Variants in ZNF704 observed in about 807,000 individuals in gnomAD.
The protein encoded by ZNF704 is zinc finger protein 704.
In ZNF704, 10 loss-of-function variants were observed where a neutral mutation model predicts 44.7. That is an observed-to-expected ratio of 0.22 (90% confidence interval 0.14 to 0.38). The LOEUF (loss-of-function observed/expected upper bound fraction) is 0.38. Ranked by LOEUF, ZNF704 falls within the 10% of genes least tolerant of loss-of-function variation. The probability of loss-of-function intolerance (pLI) is 1.00; values close to 1 mark genes in which losing one functional copy is unlikely to be tolerated. For synonymous variants in ZNF704, 211 were observed against 207.6 expected (o/e 1.02, Z -0.14); for missense variants, 390 against 545.5 (o/e 0.71, Z 2.84).
At chr8:80,732,446 A>G (rs1257612580) in intron 2 of ZNF704, among the ~76,000 whole-genome samples, 2 of 152,124 alleles carry the variant, frequency 1.3e-5, no homozygotes, top group Non-Finnish European at 2.9e-5. Flanking sequence ...AGACCTTATA[A>G]CTTCTGTTTT....
chr8:80,815,983 A>C (rs531333030), intron 2 of ZNF704, among the ~76,000 whole-genome samples: 2 of 152,170 alleles, frequency 1.3e-5, no homozygotes, highest in African/African-American at 2.4e-5. Flanking sequence ...CCTTCCCAGC[A>C]ACTCTGTGAG....
At chr8:80,706,375 G>T (rs930702096) in intron 2 of ZNF704, among the ~76,000 whole-genome samples, 2 of 151,986 alleles carry the variant, frequency 1.3e-5, no homozygotes, top group Non-Finnish European at 2.9e-5. Context: ...AGAAAAAACA[G>T]ATTTTAAAAA....
chr8:80,851,898 A>G (rs1808870377), intron 1 of ZNF704, among the ~76,000 whole-genome samples: 1 of 152,064 alleles, frequency 6.6e-6, no homozygotes, highest in Non-Finnish European at 1.5e-5. Context: ...AACAAAAAAG[A>G]CTAGACATCA....
At chr8:80,659,771 C>G in intron 6 of ZNF704, 82 bp from the exon 7 acceptor site, 1 of 1,248,872 alleles carries the variant, frequency 8.0e-7, no homozygotes, top group South Asian at 1.2e-5. Context: ...AAAGGAGGAC[C>G]TCAGAAATGG....
chr8:80,793,859 G>A (rs1807754537), intron 2 of ZNF704, among the ~76,000 whole-genome samples: 1 of 152,104 alleles, frequency 6.6e-6, no homozygotes, highest in Non-Finnish European at 1.5e-5. Context: ...CAAGAAGAAA[G>A]CAACTGCTTA....
At chr8:80,856,056 C>T (rs2130019378) in intron 1 of ZNF704, among the ~76,000 whole-genome samples, 1 of 152,292 alleles carries the variant, frequency 6.6e-6, no homozygotes, top group East Asian at 1.9e-4. Flanking sequence ...CTCCTAGTGT[C>T]AAGTGATCCT....
chr8:80,880,669 T>C, the ZNF704 span, among the ~76,000 whole-genome samples: 1 of 152,196 alleles, frequency 6.6e-6, no homozygotes, highest in Non-Finnish European at 1.5e-5. Context: ...TAACAGAATA[T>C]ATGCATGAAT....
At chr8:80,721,278 T>C (rs770140645) in intron 2 of ZNF704, among the ~76,000 whole-genome samples, 24 of 152,034 alleles carry the variant, frequency 1.6e-4, no homozygotes, top group Non-Finnish European at 2.4e-4. Context: ...TTTAAGGAAA[T>C]AGAGGAGAGA....
chr8:80,673,949 G>A (rs1818320297), intron 4 of ZNF704, among the ~76,000 whole-genome samples: 1 of 152,236 alleles, frequency 6.6e-6, no homozygotes, highest in Non-Finnish European at 1.5e-5. Context: ...CAATCTTGCT[G>A]TTTCTTCTGC....
chr8:80,837,618 G>T (rs1246461927), intron 1 of ZNF704, among the ~76,000 whole-genome samples: 2 of 152,112 alleles, frequency 1.3e-5, no homozygotes, highest in African/African-American at 4.8e-5. Context: ...AGGAAATCCA[G>T]CCCCCTACTC....
chr8:80,671,492 G>A (rs1182494838), intron 4 of ZNF704, among the ~76,000 whole-genome samples: 1 of 152,198 alleles, frequency 6.6e-6, no homozygotes, highest in Non-Finnish European at 1.5e-5. Context: ...ATGACATCAT[G>A]GAAGTGAATC....
chr8:80,872,356 C>A (rs1809267117), intron 1 of ZNF704, among the ~76,000 whole-genome samples: 1 of 152,202 alleles, frequency 6.6e-6, no homozygotes, highest in Non-Finnish European at 1.5e-5. Context: ...TTTCTGCCCA[C>A]ATCTACTCTG....
intron 2 of ZNF704, among the ~76,000 whole-genome samples, chr8:80,746,461 G>A (rs1205985640): frequency 6.6e-6 from 1 of 152,166 alleles, no homozygotes; most frequent in Admixed American, 6.5e-5. Flanking sequence ...TGGGGATATT[G>A]TACTGAATGT....
In ZNF704 at chr8:80,687,374, C is replaced by A; in HGVS notation, c.410G>T (p.Ser137Ile). ...SSGYWSWSAP[S>I]DQSNPSTPSP... The stretch of plus-strand genomic sequence containing the variant: ...CGGCGTGGACGGGTTGGACTGGTCG[C>A]TGGGGGCGCTCCAGCTCCAGTAGCC... Residue 137 changes from serine (S) to isoleucine (I), a missense_variant, in exon 4 of 9, where the codon AGC becomes ATC. Transcript: ENST00000327835. The A allele has an allele frequency of 1.2e-6, 2 of 1,606,438 alleles. No homozygotes were observed. The highest frequency in any genetic ancestry group is 1.7e-6 in the Non-Finnish European group (2 of 1,178,826).
chr8:80,833,075 C>T (rs539074334), intron 1 of ZNF704, among the ~76,000 whole-genome samples: 224 of 152,270 alleles, frequency 1.5e-3, no homozygotes, highest in African/African-American at 5.1e-3. Flanking sequence ...TGGCCAGGCG[C>T]GGTGGCTCAT....
At chr8:80,871,979 T>C (rs930086935) in intron 1 of ZNF704, among the ~76,000 whole-genome samples, 1 of 152,244 alleles carries the variant, frequency 6.6e-6, no homozygotes, top group African/African-American at 2.4e-5. Flanking sequence ...TTATTCTGTT[T>C]TTACGGATTT....
chr8:80,767,012 G>A (rs1055494531), intron 2 of ZNF704, among the ~76,000 whole-genome samples: 1 of 151,882 alleles, frequency 6.6e-6, no homozygotes. Flanking sequence ...TGAACCCGGC[G>A]CGTGACTCTT....
chr8:80,646,308 C>T (rs1344164142), intron 7 of ZNF704, among the ~76,000 whole-genome samples: 2 of 152,010 alleles, frequency 1.3e-5, no homozygotes, highest in African/African-American at 4.8e-5. Context: ...GGTGAAACCC[C>T]ATCTCTACTA....
At chr8:80,706,905 A>G (rs1360244363) in intron 2 of ZNF704, among the ~76,000 whole-genome samples, 1 of 152,236 alleles carries the variant, frequency 6.6e-6, no homozygotes, top group Non-Finnish European at 1.5e-5. Context: ...CAAACCGATG[A>G]GTGACAGACT....
Sources: gnomAD v4.1 joint callset for allele counts (sites outside exome capture counted in the v4.1 genomes callset) on GRCh38, gnomAD v4.1.1 for gene constraint, MANE v1.5 for transcripts, NCBI Gene and HGNC (gene_info 2026-07-23, HGNC 2026-07-21) for gene names.